The following CHST15 variants were observed in gnomAD, a reference collection of about 807,000 sequenced individuals.
The protein encoded by CHST15 is carbohydrate sulfotransferase 15, also known as B cell RAG associated protein (GALNAC4S-6ST).
CHST15 carries 30 observed loss-of-function variants against 53.6 expected under a neutral mutation model. The observed-to-expected ratio is 0.56, with a 90% CI of 0.42 to 0.76. The LOEUF is 0.76. Ranked by LOEUF, CHST15 falls within the 30% of genes least tolerant of loss-of-function variation. The pLI is 0.00. For synonymous variants in CHST15, 296 were observed against 289.8 expected (o/e 1.02, Z -0.22); for missense variants, 627 against 740.5 (o/e 0.85, Z 1.78).
chr10:124,040,076 C>T (rs371938019), intron 4 of CHST15, among the ~76,000 whole-genome samples: 8 of 152,188 alleles, frequency 5.3e-5, no homozygotes, highest in African/African-American at 1.9e-4. Context: ...AATCAGAAGT[C>T]CCTTGAAAAT....
At chr10:124,068,000 A>C (rs1405416506) in intron 1 of CHST15, among the ~76,000 whole-genome samples, 2 of 152,230 alleles carry the variant, frequency 1.3e-5, no homozygotes, top group Non-Finnish European at 2.9e-5. Flanking sequence ...TGCAAAGTGA[A>C]AATGATACAT....
chr10:124,060,480 G>GC (rs1168909359), intron 1 of CHST15, among the ~76,000 whole-genome samples: 1 of 145,076 alleles, frequency 6.9e-6, no homozygotes, highest in Non-Finnish European at 1.5e-5. Flanking sequence ...AGGTGTGCCA[G>GC]CCCCCCAGGG....
rs1946367098 is a variant in CHST15 at position 124,010,039 on chromosome 10, G to A, written c.*110C>T. On this transcript the variant is annotated 3_prime_UTR_variant, in exon 8 of 8. Coordinates refer to ENST00000435907, the MANE Select transcript of CHST15 (RefSeq NM_001270764.2). ...ATTCATGTGTGCCTAGAGTGGCAGA[G>A]TCCTGGGGTTTTCCATACCATGAGT... 1 of 1,585,608 alleles carries A rather than the reference G, an allele frequency of 6.3e-7. No individual in the cohort carries two copies. The highest frequency in any genetic ancestry group is 1.2e-5 in the South Asian group (1 of 86,472).
intron 1 of CHST15, among the ~76,000 whole-genome samples, chr10:124,078,608 C>T (rs1026524313): frequency 1.3e-5 from 2 of 152,156 alleles, no homozygotes; most frequent in African/African-American, 2.4e-5. Context: ...GCCATGTGGA[C>T]CCGTGGAACC....
chr10:124,042,981 C>G (rs1947800083), intron 3 of CHST15, among the ~76,000 whole-genome samples: 1 of 152,152 alleles, frequency 6.6e-6, no homozygotes, highest in Admixed American at 6.5e-5. Flanking sequence ...AATACCCTGC[C>G]CTTTGTCCAA....
In CHST15 at chr10:124,019,912, C is replaced by T. The variant is rs1946713888; in HGVS notation, c.1347+1344G>A. The T allele has an allele frequency of 4.1e-6, 4 of 985,860 alleles. No individual in the cohort carries two copies. Among genetic ancestry groups the T allele is most frequent in the African/African-American group, 1.7e-5 (1 of 57,234 alleles). The allele number at this position is 985,860 out of a possible 1,614,324, so 61.1% of individuals were successfully genotyped here. On this transcript the variant is annotated intron_variant, in intron 6 of 7. Transcript: ENST00000435907. The surrounding 1 kb of genome is among the most constrained non-coding windows in gnomAD (Gnocchi z 4.6). ...CGTTCTGTATGGTAGGTGGTGCTGA[C>T]CACTGGGCCTCTGCACACGCTGCTC...
chr10:124,016,608 C>G (rs1021794417), intron 6 of CHST15, among the ~76,000 whole-genome samples: 3 of 152,210 alleles, frequency 2.0e-5, no homozygotes, highest in Non-Finnish European at 4.4e-5. Flanking sequence ...TAGGAGCCAG[C>G]TAGGGAAGGC....
rs570907472 is a variant in CHST15, at chr10:124,010,157, T to C, written c.1678A>G (p.Thr560Ala). The change falls in exon 8 of 8, where the codon ACG becomes GCG. Residue 560 changes from threonine to alanine, a missense_variant. Around this residue, in one of 3 missense-constraint regions of CHST15, gnomAD observed 279 missense variants for 371.6 expected, o/e 0.75. Coordinates refer to ENST00000435907, the MANE Select transcript of CHST15 (RefSeq NM_001270764.2). ...CAGCAACAATTCAGCTCTCACGTCG[T>C]CTTCCACGCAAACGCCTCATCCGCG... ...VLADEAFAWK[T>A]T The C allele has an allele frequency of 4.3e-6, 7 of 1,612,826 alleles. No homozygotes were observed. The Admixed American group carries it at 1.2e-4, about 27-fold the overall frequency.
chr10:124,067,808 G>T (rs1309066471), intron 1 of CHST15, among the ~76,000 whole-genome samples: 1 of 152,060 alleles, frequency 6.6e-6, no homozygotes, highest in Non-Finnish European at 1.5e-5. Flanking sequence ...GTAGAGACGG[G>T]GTTTCACCAT....
intron 5 of CHST15, among the ~76,000 whole-genome samples, chr10:124,033,508 T>C (rs1947306600): frequency 6.6e-6 from 1 of 152,216 alleles, no homozygotes; most frequent in African/African-American, 2.4e-5. Flanking sequence ...CCACTGAGTG[T>C]GGCTAGACCT....
Position 124,012,328 on chromosome 10 carries a change from C to T in CHST15, c.1495+5G>A, listed in dbSNP as rs374199432. 1 of 1,613,238 alleles carries T rather than the reference C, an allele frequency of 6.2e-7. No individual in the cohort carries two copies. On this transcript the variant is annotated splice_donor_5th_base_variant and intron_variant, in intron 7 of 7. Transcript: ENST00000435907. Reference sequence around the variant, plus strand: ...GGCCCGTCAGTCTAAGCACCACACTCATACCTAGGTTCAGAAACTGGAAGA... The same window carrying T: ...GGCCCGTCAGTCTAAGCACCACACTTATACCTAGGTTCAGAAACTGGAAGA...
chr10:124,066,053 TC>T (rs1368153618), intron 1 of CHST15, among the ~76,000 whole-genome samples: 3 of 150,692 alleles, frequency 2.0e-5, no homozygotes, highest in Admixed American at 2.0e-4. Context: ...GTCTTTTTTT[TC>T]TTATTTGGTC....
chr10:124,016,068 G>A (rs1380206215), intron 6 of CHST15, among the ~76,000 whole-genome samples: 1 of 152,208 alleles, frequency 6.6e-6, no homozygotes, highest in Admixed American at 6.5e-5. Context: ...CCCAGGGGCT[G>A]TGGCTGCTGC....
chr10:124,050,403 G>C (rs995072333), intron 1 of CHST15, among the ~76,000 whole-genome samples: 1 of 152,198 alleles, frequency 6.6e-6, no homozygotes, highest in African/African-American at 2.4e-5. Flanking sequence ...AAAAGGGGGA[G>C]AGAGCAATAC....
chr10:124,089,294 C>T (rs1432166063), intron 1 of CHST15, among the ~76,000 whole-genome samples: 1 of 152,242 alleles, frequency 6.6e-6, no homozygotes. Flanking sequence ...TCAGCTACCA[C>T]TTTTAAAAAC....
Position 124,038,518 on chromosome 10 carries a change from T to C in CHST15, c.1187A>G (p.Glu396Gly). 6.2e-7 allele frequency: 1 copy of C among 1,614,102 alleles called. No homozygotes were observed. Among genetic ancestry groups the C allele is most frequent in the Non-Finnish European group, 8.5e-7 (1 of 1,179,948 alleles). The change falls in exon 5 of 8, where the codon GAG becomes GGG. Residue 396 changes from glutamate (E) to glycine (G), a missense_variant. Transcript: ENST00000435907. ...RLIVMLRDPV[E>G]RLYSDYLYFA... ...ACAACACACAGAAACTGCTCACCTC[T>C]CCACAGGGTCCCTGAGCATGACAAT...
chr10:124,031,892 C>G (rs1026127231), intron 5 of CHST15, among the ~76,000 whole-genome samples: 1 of 152,146 alleles, frequency 6.6e-6, no homozygotes, highest in African/African-American at 2.4e-5. Context: ...GGTTCCAATG[C>G]CTGTGTTCCT....
intron 2 of CHST15, among the ~76,000 whole-genome samples, chr10:124,045,335 T>C (rs2134008634): frequency 6.6e-6 from 1 of 152,272 alleles, no homozygotes; most frequent in Middle Eastern, 3.4e-3. Flanking sequence ...AACTTTAAAA[T>C]CCCAAATGAT....
intron 5 of CHST15, among the ~76,000 whole-genome samples, chr10:124,033,624 G>T (rs1476546640): frequency 6.6e-6 from 1 of 152,222 alleles, no homozygotes; most frequent in Non-Finnish European, 1.5e-5. Context: ...AGACGCTCTA[G>T]CTTGCTGGCT....
Sources: allele counts gnomAD v4.1 joint callset (sites outside exome capture counted in the v4.1 genomes callset), GRCh38; gene constraint gnomAD v4.1.1; regional missense constraint gnomAD v4.1.1; non-coding constraint Gnocchi (gnomAD v3.1); transcripts MANE v1.5; gene names NCBI Gene and HGNC (gene_info 2026-07-23, HGNC 2026-07-21).